CDH13: variants seen among roughly 807,000 people sequenced by gnomAD.
The protein encoded by CDH13 is cadherin-13.
Under a neutral mutation model 63.8 loss-of-function variants are expected in CDH13, and 24 were observed. The observed-to-expected ratio is 0.38, with a 90% CI of 0.27 to 0.53. The LOEUF is 0.53. Ranked by LOEUF, CDH13 falls within the 20% of genes least tolerant of loss-of-function variation. The pLI is 0.85. For missense variants in CDH13, 1,049 were observed against 903.1 expected, an observed-to-expected ratio of 1.16 and a Z score of -2.07; for synonymous variants, 503 against 355.3, an observed-to-expected ratio of 1.42 and a Z score of -4.67.
At chr16:83,359,165 G>C (rs987818103) in intron 6 of CDH13, among the ~76,000 whole-genome samples, 4 of 152,120 alleles carry the variant, frequency 2.6e-5, no homozygotes, top group African/African-American at 9.7e-5. Context: ...ATTCTGACAA[G>C]GGTACAGCAC....
chr16:83,623,349 C>A (rs1049746602), intron 8 of CDH13, among the ~76,000 whole-genome samples: 4 of 152,158 alleles, frequency 2.6e-5, no homozygotes, highest in Non-Finnish European at 4.4e-5. Context: ...CCTTTCAGCG[C>A]CTTGTTTCTC....
Position 83,485,898 on chromosome 16 carries a change from C to T in CDH13, c.782-579C>T, listed in dbSNP as rs147677170. On this transcript the variant is annotated intron_variant, in intron 6 of 13. Coordinates refer to ENST00000567109, the MANE Select transcript of CDH13 (RefSeq NM_001257.5). The stretch of plus-strand genomic sequence containing the variant: ...AGATGGAATCTTGTAATCCCAGCAC[C>T]CTTGGAGGCCGAGGCAGGTGGATCA... Among the ~76,000 whole-genome samples the T allele has an allele frequency of 3.9e-5, 6 of 152,122 alleles. No homozygotes were observed. The East Asian group carries it at 1.2e-3, about 29-fold the overall frequency.
At chr16:83,453,051 T>C (rs1180256677) in intron 6 of CDH13, among the ~76,000 whole-genome samples, 1 of 152,200 alleles carries the variant, frequency 6.6e-6, no homozygotes, top group Admixed American at 6.5e-5. Context: ...TAAAAAGGAA[T>C]GAATTGATGG....
intron 5 of CDH13, among the ~76,000 whole-genome samples, chr16:83,341,989 C>CACA (rs2090733078): frequency 6.5e-5 from 9 of 138,070 alleles, no homozygotes; most frequent in Non-Finnish European, 1.2e-4. Flanking sequence ...GTGTCCCCTG[C>CACA]CACACACACA....
At chr16:83,538,160 G>T (rs983218194) in intron 7 of CDH13, among the ~76,000 whole-genome samples, 1 of 152,174 alleles carries the variant, frequency 6.6e-6, no homozygotes, top group African/African-American at 2.4e-5. Context: ...GAAATGTGCC[G>T]AGTGGCTCAG....
intron 8 of CDH13, among the ~76,000 whole-genome samples, chr16:83,670,008 G>T (rs1914362560): frequency 6.6e-6 from 1 of 152,102 alleles, no homozygotes; most frequent in Admixed American, 6.6e-5. Context: ...TTCATTTATT[G>T]ATTTATTTTC....
chr16:83,336,089 T>G (rs1277407903), intron 5 of CDH13, among the ~76,000 whole-genome samples: 1 of 151,368 alleles, frequency 6.6e-6, no homozygotes, highest in African/African-American at 2.4e-5. Context: ...TCACCTGAGG[T>G]CAGGAGTTCG....
At chr16:83,678,130 A>G (rs1196248752) in intron 9 of CDH13, 78 bp from the exon 10 acceptor site, 24 of 1,493,802 alleles carry the variant, frequency 1.6e-5, no homozygotes, top group Non-Finnish European at 2.1e-5. Context: ...TGCTCGTGGA[A>G]TTTCAGAGGA....
At chr16:82,788,042 G>T (rs2036105697) in intron 1 of CDH13, among the ~76,000 whole-genome samples, 2 of 152,260 alleles carry the variant, frequency 1.3e-5, no homozygotes, top group Admixed American at 6.5e-5. Context: ...TCATCTTCAA[G>T]AAGTGCCCTG....
chr16:83,614,012 T>C (rs899330143), intron 8 of CDH13, among the ~76,000 whole-genome samples: 30 of 152,218 alleles, frequency 2.0e-4, no homozygotes, highest in African/African-American at 7.0e-4. Flanking sequence ...CATTAATAGA[T>C]ACTTCTGAGT....
intron 8 of CDH13, among the ~76,000 whole-genome samples, chr16:83,658,034 G>A (rs1163291568): frequency 6.5e-4 from 24 of 37,166 alleles, no homozygotes; most frequent in Admixed American, 1.2e-3. Flanking sequence ...CAGGTCCCAT[G>A]TCCTCACCAG....
At chr16:83,528,120 C>T (rs566918999) in intron 7 of CDH13, among the ~76,000 whole-genome samples, 55 of 152,306 alleles carry the variant, frequency 3.6e-4, no homozygotes, top group African/African-American at 1.3e-3. Flanking sequence ...CAAACTCACA[C>T]AGCCTCTTTA....
intron 4 of CDH13, among the ~76,000 whole-genome samples, chr16:83,213,891 G>T (rs1040669210): frequency 3.3e-5 from 5 of 152,186 alleles, no homozygotes; most frequent in South Asian, 2.1e-4. Flanking sequence ...CTAGAGGTTT[G>T]TAAAATGCAC....
intron 2 of CDH13, among the ~76,000 whole-genome samples, chr16:82,990,575 C>G (rs998819571): frequency 7.3e-6 from 1 of 136,248 alleles, no homozygotes; most frequent in African/African-American, 2.9e-5. Flanking sequence ...GAGACAGAGT[C>G]TCACTTTATC....
intron 4 of CDH13, among the ~76,000 whole-genome samples, chr16:83,210,976 T>C (rs543770272): frequency 1.3e-5 from 2 of 151,820 alleles, no homozygotes; most frequent in South Asian, 2.1e-4. Flanking sequence ...AGTGAAACCC[T>C]GTCTCTACTA....
At chr16:82,699,594 A>C (rs2030739413) in intron 1 of CDH13, among the ~76,000 whole-genome samples, 1 of 152,240 alleles carries the variant, frequency 6.6e-6, no homozygotes, top group Non-Finnish European at 1.5e-5. Flanking sequence ...AATGGTATTT[A>C]AGAGAATGTG....
chr16:83,583,924 T>G (rs1905882991), intron 7 of CDH13, among the ~76,000 whole-genome samples: 3 of 151,750 alleles, frequency 2.0e-5, no homozygotes, highest in Admixed American at 6.6e-5. Flanking sequence ...CTCAAAGAAA[T>G]AAATAAATAA....
chr16:82,844,200 A>G (rs116371282), intron 1 of CDH13, among the ~76,000 whole-genome samples: 3,969 of 152,236 alleles, frequency 0.026, 190 homozygotes, highest in African/African-American at 0.091. Context: ...AGGAAGAGAG[A>G]CAGAGAAAAA....
chr16:83,388,932 C>G (rs2091731563), intron 6 of CDH13, among the ~76,000 whole-genome samples: 1 of 152,132 alleles, frequency 6.6e-6, no homozygotes, highest in Non-Finnish European at 1.5e-5. Context: ...AAGCGTTGGT[C>G]TAAAGCACAA....
Sources: allele counts gnomAD v4.1 joint callset (sites outside exome capture counted in the v4.1 genomes callset), GRCh38; gene constraint gnomAD v4.1.1; transcripts MANE v1.5; gene names NCBI Gene and HGNC (gene_info 2026-07-23, HGNC 2026-07-21).